The following FGF14 variants were observed in gnomAD, a reference collection of about 807,000 sequenced individuals.
FGF14 encodes the protein fibroblast growth factor 14.
In FGF14, 5 loss-of-function variants were observed where a neutral mutation model predicts 25.5. The ratio of observed to expected loss-of-function variants is 0.20; its 90% CI spans 0.10 to 0.41. The LOEUF (loss-of-function observed/expected upper bound fraction) is 0.41. FGF14 is among the 10% of genes least tolerant of loss of function. FGF14 has a pLI of 1.00. For synonymous variants in FGF14, 138 were observed against 118.3 expected (o/e 1.17, Z -1.08); for missense variants, 222 against 320.1 (o/e 0.69, Z 2.34).
At chr13:102,355,124 C>G (rs2057385744) in intron 1 of FGF14, among the ~76,000 whole-genome samples, 1 of 152,028 alleles carries the variant, frequency 6.6e-6, no homozygotes, top group African/African-American at 2.4e-5. Flanking sequence ...TAAAAGGTAC[C>G]CAATGAATGT....
chr13:101,850,586 ATATAT>A (rs1197293994), intron 3 of FGF14, among the ~76,000 whole-genome samples: 1 of 129,250 alleles, frequency 7.7e-6, no homozygotes, highest in Non-Finnish European at 1.6e-5. Context: ...TTCTAGAATT[ATATAT>A]TATATAATTC....
chr13:102,086,341 A>G (rs1005204796), intron 1 of FGF14, among the ~76,000 whole-genome samples: 34 of 152,204 alleles, frequency 2.2e-4, no homozygotes, highest in African/African-American at 8.2e-4. Flanking sequence ...TAACCAGGAT[A>G]GAGACGGTGA....
At chr13:101,921,335 A>G (rs897767752), upstream of FGF14, among the ~76,000 whole-genome samples, 1 of 152,160 alleles carries the variant, frequency 6.6e-6, no homozygotes, top group African/African-American at 2.4e-5. Flanking sequence ...AACTTCTACA[A>G]AGATGTCTGA....
chr13:101,740,256 A>G (rs2036461452), intron 3 of FGF14, among the ~76,000 whole-genome samples: 1 of 152,172 alleles, frequency 6.6e-6, no homozygotes, highest in African/African-American at 2.4e-5. Context: ...TCATTCTGCT[A>G]CAAGGGTTTT....
At chr13:101,899,170 G>T (rs1025942372) in intron 1 of FGF14, among the ~76,000 whole-genome samples, 2 of 151,062 alleles carry the variant, frequency 1.3e-5, no homozygotes, top group Non-Finnish European at 2.9e-5. Context: ...TCATACTACA[G>T]TAAACTGGAA....
intron 1 of FGF14, among the ~76,000 whole-genome samples, chr13:101,931,948 C>A (rs1375484533): frequency 6.6e-6 from 1 of 152,206 alleles, no homozygotes; most frequent in Non-Finnish European, 1.5e-5. Flanking sequence ...CTAAAAGGTT[C>A]TCTGGGGATG....
chr13:102,234,439 A>G lies in FGF14; in HGVS notation c.208+167032T>C, dbSNP rs9518681. Reference sequence around the variant, plus strand: ...AAATGTGAAGATACTTAATACCATGAAAACATACACTTAAATGTGAAGGTA... The same window carrying G: ...AAATGTGAAGATACTTAATACCATGGAAACATACACTTAAATGTGAAGGTA... On this transcript the variant is annotated intron_variant, in intron 1 of 4. Coordinates refer to the FGF14 transcript ENST00000376131. 1.7e-3 allele frequency among the ~76,000 whole-genome samples: 40 copies of G among 23,820 alleles called. 9 individuals are homozygous for G. Among genetic ancestry groups the G allele is most frequent in the South Asian group, 8.0e-3 (7 of 870 alleles). The allele number at this position is 23,820 out of a possible 152,430, so 15.6% of individuals were successfully genotyped here.
intron 1 of FGF14, among the ~76,000 whole-genome samples, chr13:102,222,395 G>A (rs775717490): frequency 6.6e-6 from 1 of 152,280 alleles, no homozygotes; most frequent in African/African-American, 2.4e-5. Flanking sequence ...GACAACGTAT[G>A]TAATTTTGAA....
intron 1 of FGF14, among the ~76,000 whole-genome samples, chr13:102,178,782 C>A (rs1184012554): frequency 6.6e-6 from 1 of 151,894 alleles, no homozygotes; most frequent in African/African-American, 2.4e-5. Flanking sequence ...ATAAATACAT[C>A]TCACAAAAGT....
At chr13:101,944,095 GTGAAGTTGTCTGCA>G (rs1349704651) in intron 1 of FGF14, among the ~76,000 whole-genome samples, 1 of 151,708 alleles carries the variant, frequency 6.6e-6, no homozygotes, top group Non-Finnish European at 1.5e-5. Context: ...CTTTTAGACT[GTGAAGTTGTCTGCA>G]TATTTTCAAA....
In FGF14 at chr13:102,341,045, A is replaced by T. The variant is rs115414112; in HGVS notation, c.208+60426T>A. Among the ~76,000 whole-genome samples, 748 of 152,286 alleles carry T rather than the reference A, an allele frequency of 4.9e-3. 2 individuals are homozygous for T. Among genetic ancestry groups the T allele is most frequent in the African/African-American group, 0.017 (708 of 41,556 alleles). ...GGAGTAAGGTAGAATAACCAATGAG[A>T]AGCTTCAAGGAGGAGGTGCCACTTT... is the stretch of plus-strand genomic sequence containing the variant. On this transcript the variant is annotated intron_variant, in intron 1 of 4. Coordinates refer to the FGF14 transcript ENST00000376131.
chr13:101,829,585 A>T (rs927674225), intron 3 of FGF14, among the ~76,000 whole-genome samples: 3 of 152,040 alleles, frequency 2.0e-5, no homozygotes, highest in African/African-American at 7.2e-5. Flanking sequence ...ACCCTATTTA[A>T]AACCCATTTC....
At chr13:102,097,029 CTT>C (rs11413699) in intron 1 of FGF14, among the ~76,000 whole-genome samples, 5 of 145,892 alleles carry the variant, frequency 3.4e-5, no homozygotes, top group African/African-American at 7.6e-5. Flanking sequence ...GACTGGAGGA[CTT>C]TTTTTTTTTT....
chr13:101,973,910 G>T (rs1053123674), intron 1 of FGF14, among the ~76,000 whole-genome samples: 12 of 152,134 alleles, frequency 7.9e-5, no homozygotes, highest in African/African-American at 2.7e-4. Flanking sequence ...ATGTTATTCA[G>T]TTTATTTGCT....
chr13:101,978,008 C>T (rs573107464), intron 1 of FGF14, among the ~76,000 whole-genome samples: 1 of 151,198 alleles, frequency 6.6e-6, no homozygotes, highest in Non-Finnish European at 1.5e-5. Context: ...ACTAAAATTT[C>T]CATTTGAGAG....
At chr13:101,797,134 T>C (rs2040572787) in intron 3 of FGF14, among the ~76,000 whole-genome samples, 1 of 152,126 alleles carries the variant, frequency 6.6e-6, no homozygotes, top group Non-Finnish European at 1.5e-5. Flanking sequence ...ACAGTGTGTG[T>C]GCAAACACAG....
chr13:102,334,623 T>C (rs1388112656), intron 1 of FGF14, among the ~76,000 whole-genome samples: 1 of 152,118 alleles, frequency 6.6e-6, no homozygotes, highest in Non-Finnish European at 1.5e-5. Flanking sequence ...CACTACAGAT[T>C]AGTTGGGATA....
At chr13:102,125,859 C>T (rs746655675) in intron 1 of FGF14, among the ~76,000 whole-genome samples, 9 of 151,984 alleles carry the variant, frequency 5.9e-5, no homozygotes, top group East Asian at 3.9e-4. Flanking sequence ...TGGATATAGT[C>T]GATGAAATTT....
At chr13:102,042,368 C>G (rs919067083) in intron 1 of FGF14, among the ~76,000 whole-genome samples, 1 of 152,196 alleles carries the variant, frequency 6.6e-6, no homozygotes, top group African/African-American at 2.4e-5. Flanking sequence ...ACACTGCAGT[C>G]TAGCTCAGTG....
Sources: gnomAD v4.1 joint callset for allele counts (sites outside exome capture counted in the v4.1 genomes callset) on GRCh38, gnomAD v4.1.1 for gene constraint, MANE v1.5 for transcripts, NCBI Gene and HGNC (gene_info 2026-07-23, HGNC 2026-07-21) for gene names.